The following MAD2L2 variants were observed in gnomAD, a reference collection of about 807,000 sequenced individuals.
The protein encoded by MAD2L2 is mitotic arrest deficient 2 like 2.
MAD2L2 carries 17 observed loss-of-function variants against 30.5 expected under a neutral mutation model. That is an observed-to-expected ratio of 0.56 (90% CI 0.38 to 0.84). The LOEUF (loss-of-function observed/expected upper bound fraction) is 0.84. Ranked by LOEUF, MAD2L2 falls within the 40% of genes least tolerant of loss-of-function variation. MAD2L2 has a pLI of 0.00. For synonymous variants in MAD2L2, 101 were observed against 113.9 expected, an observed-to-expected ratio of 0.89 and a Z score of 0.72; for missense variants, 213 against 277.4, an observed-to-expected ratio of 0.77 and a Z score of 1.65.
rs1023383641 is a variant in MAD2L2, at chr1:11,687,195, A to C, written c.-692+4218T>G. Among the ~76,000 whole-genome samples the C allele has an allele frequency of 5.3e-5, 8 of 152,112 alleles. No individual in the cohort carries two copies. The highest frequency in any genetic ancestry group is 1.9e-4 in the African/African-American group (8 of 41,412). ...ATCCTCCCACCTCAGCCTCCCCAATAGCTGGGGCTACAGGTGTGCACCATC... is the reference window on the plus strand; with the variant it reads ...ATCCTCCCACCTCAGCCTCCCCAATCGCTGGGGCTACAGGTGTGCACCATC... On this transcript the variant is annotated intron_variant, in intron 1 of 10. Coordinates refer to the MAD2L2 transcript ENST00000235310. This position sits in a 1 kb window ranked among gnomAD's most constrained non-coding sequence, Gnocchi z 4.1.
At chr1:11,675,577 C>T in intron 7 of MAD2L2, 81 bp downstream of exon 7, 1 of 1,389,578 alleles carries the variant, frequency 7.2e-7, no homozygotes, top group Non-Finnish European at 1.0e-6. Flanking sequence ...TGGCTGGCCA[C>T]AGGCAGTGCC....
chr1:11,690,437 C>T lies in MAD2L2; in HGVS notation c.-692+976G>A, dbSNP rs1641039430. On this transcript the variant is annotated intron_variant, in intron 1 of 10. Coordinates refer to the MAD2L2 transcript ENST00000235310. This position sits in a 1 kb window ranked among gnomAD's most constrained non-coding sequence, Gnocchi z 4.2. Reference sequence around the variant, plus strand: ...AGACCTTAGAAACGTTATCTCCTTACACAGGGCACTGCATTCACGCCTAGA... The same window carrying T: ...AGACCTTAGAAACGTTATCTCCTTATACAGGGCACTGCATTCACGCCTAGA... Among the ~76,000 whole-genome samples, 1 of 152,196 alleles carries T rather than the reference C, an allele frequency of 6.6e-6. No homozygotes were observed. Among genetic ancestry groups the T allele is most frequent in the African/African-American group, 2.4e-5 (1 of 41,436 alleles).
chr1:11,674,894 GGGCAGACCTCCACCACAGGT>G lies in MAD2L2; in HGVS notation c.595-98_595-79del. 6.5e-7 allele frequency: 1 copy of G among 1,536,188 alleles called. No homozygotes were observed. Among genetic ancestry groups the G allele is most frequent in the South Asian group, 1.1e-5 (1 of 89,280 alleles). On this transcript the variant is annotated intron_variant, in intron 8 of 8. Coordinates refer to ENST00000376692, the MANE Select transcript of MAD2L2 (RefSeq NM_006341.4). The surrounding 1 kb of genome is among the most constrained non-coding windows in gnomAD (Gnocchi z 6.1). ...GCTGGAGGACACAGAAGCCCCTGGT[GGGCAGACCTCCACCACAGGT>G]GGGGCCTCGTGGCCATAGCCATGGT... is the stretch of plus-strand genomic sequence containing the variant.
chr1:11,685,512 C>T (rs1640942684), upstream of MAD2L2, among the ~76,000 whole-genome samples: 1 of 152,216 alleles, frequency 6.6e-6, no homozygotes, highest in Non-Finnish European at 1.5e-5. Context: ...TGCTGCTTCT[C>T]TCCCCAACAC....
intron 5 of MAD2L2, among the ~76,000 whole-genome samples, chr1:11,676,542 G>A (rs759960865): frequency 5.9e-5 from 9 of 152,202 alleles, no homozygotes; most frequent in Non-Finnish European, 8.8e-5. Flanking sequence ...TTGGAAGCAT[G>A]CAGTTGACCA....
chr1:11,680,896 A>T, intron 1 of MAD2L2, 143 bp downstream of exon 1: 1 of 685,596 alleles, frequency 1.5e-6, no homozygotes, highest in East Asian at 4.5e-5. Flanking sequence ...CCGCGGACGC[A>T]GAGGGAAACA....
In MAD2L2 at chr1:11,690,303, C is replaced by A. The variant is rs894257355; in HGVS notation, c.-692+1110G>T. The stretch of plus-strand genomic sequence containing the variant: ...TATGGGATGGATGACTCAAACCTTT[C>A]AGTGAATAAACAGTTCAGTGTTCTC... On this transcript the variant is annotated intron_variant, in intron 1 of 10. Transcript: ENST00000235310. The surrounding 1 kb of genome is among the most constrained non-coding windows in gnomAD (Gnocchi z 4.2). 6.6e-6 allele frequency among the ~76,000 whole-genome samples: 1 copy of A among 152,136 alleles called. No homozygotes were observed. The highest frequency in any genetic ancestry group is 1.5e-5 in the Non-Finnish European group (1 of 68,020).
upstream of MAD2L2, chr1:11,681,794 C>A (rs1408580259): frequency 6.6e-6 from 1 of 152,188 alleles, no homozygotes; most frequent in Non-Finnish European, 1.5e-5. Flanking sequence ...CGTGGATTAT[C>A]TCAGTCCTGG....
At position 11,680,392 on chromosome 1, in the gene MAD2L2, G is replaced by A. The variant is rs761019113; in HGVS notation, c.120C>T (p.Gly40=). 6.2e-7 allele frequency: 1 copy of A among 1,613,990 alleles called. No homozygotes were observed. The highest frequency in any genetic ancestry group is 1.7e-5 in the Admixed American group (1 of 60,000). The change falls in exon 3 of 9, where the codon GGC becomes GGT. Residue 40 remains glycine (G), a synonymous_variant. Coordinates refer to ENST00000376692, the MANE Select transcript of MAD2L2 (RefSeq NM_006341.4). ...TGTACTTCTTGCGTTTCTGGAAGAT[G>A]CCCACGGGGTAGACCTCGCGCACGT... The part of the protein sequence containing the change: ...ILYVREVYPV[G]IFQKRKKYNV...
In MAD2L2 at chr1:11,680,502, C is replaced by G. The variant is rs2233014; in HGVS notation, c.41-31G>C. The G allele has an allele frequency of 2.5e-3, 4,024 of 1,611,226 alleles. 68 individuals carry two copies. The African/African-American group carries it at 0.04, about 16-fold the overall frequency. On this transcript the variant is annotated intron_variant, in intron 2 of 8. Coordinates refer to ENST00000376692, the MANE Select transcript of MAD2L2 (RefSeq NM_006341.4). Reference sequence around the variant, plus strand: ...GGGGGGCACAAGCCGGTGGCGCGCTCGAGGAAGCCCGCCGGCCCAGACGCC... The same window carrying G: ...GGGGGGCACAAGCCGGTGGCGCGCTGGAGGAAGCCCGCCGGCCCAGACGCC...
Position 11,676,136 on chromosome 1 carries a change from C to G in MAD2L2, c.337G>C (p.Asp113His). ...TQPPLLSISS[D>H]SLLSHVEQLL... The stretch of plus-strand genomic sequence containing the variant: ...TGCTCCACATGAGACAACAGCGAGT[C>G]TGAGCTGGGAGTGAGAGGAGGTCTT... Residue 113 changes from aspartate (D) to histidine (H), a missense_variant, in exon 6 of 9, where the codon GAC (aspartate) becomes CAC (histidine). Coordinates refer to ENST00000376692, the MANE Select transcript of MAD2L2 (RefSeq NM_006341.4). 6.3e-7 allele frequency: 1 copy of G among 1,596,666 alleles called. No homozygotes were observed. The highest frequency in any genetic ancestry group is 8.6e-7 in the Non-Finnish European group (1 of 1,169,322).
intron 1 of MAD2L2, among the ~76,000 whole-genome samples, chr1:11,689,559 G>T (rs1407555457): frequency 6.6e-6 from 1 of 152,002 alleles, no homozygotes; most frequent in Non-Finnish European, 1.5e-5. Context: ...TTGTGCCACT[G>T]CACTCCAGCC....
intron 1 of MAD2L2, among the ~76,000 whole-genome samples, chr1:11,689,292 CAAAAAAAAAAAA>C (rs70983584): frequency 5.9e-5 from 4 of 67,964 alleles, no homozygotes; most frequent in African/African-American, 1.9e-4. Context: ...GACTCTGTCT[CAAAAAAAAAAAA>C]AAAAAAAAAA....
rs1157609918 is a variant in MAD2L2 at position 11,687,947 on chromosome 1, A to C, written c.-692+3466T>G. Among the ~76,000 whole-genome samples, 1 of 152,182 alleles carries C rather than the reference A, an allele frequency of 6.6e-6. No homozygotes were observed. Among genetic ancestry groups the C allele is most frequent in the Non-Finnish European group, 1.5e-5 (1 of 68,042 alleles). On this transcript the variant is annotated intron_variant, in intron 1 of 10. Transcript: ENST00000235310. The surrounding 1 kb of genome is among the most constrained non-coding windows in gnomAD (Gnocchi z 4.1). ...AGGAAACTGAGGCCCTAAAGTCATC[A>C]TAAACTGGATGGGATAGGAGTCCAG...
chr1:11,677,304 T>TA (rs1409634539), intron 4 of MAD2L2: 1 of 597,040 alleles, frequency 1.7e-6, no homozygotes, highest in African/African-American at 1.9e-5. Context: ...AGCCCCTACT[T>TA]AGAGCCAGCT....
intron 7 of MAD2L2, among the ~76,000 whole-genome samples, 179 bp downstream of exon 7, chr1:11,675,479 C>A (rs1028303340): frequency 1.3e-5 from 2 of 152,216 alleles, no homozygotes; most frequent in African/African-American, 2.4e-5. Flanking sequence ...TCCACCTGGG[C>A]TCCTCACTGC....
intron 1 of MAD2L2, among the ~76,000 whole-genome samples, chr1:11,686,210 C>T (rs1164588097): frequency 1.3e-5 from 2 of 152,142 alleles, no homozygotes; most frequent in African/African-American, 4.8e-5. Flanking sequence ...GAACAAGATG[C>T]CTAAAGACAA....
In MAD2L2 at chr1:11,687,087, A is replaced by G. The variant is rs1438731151; in HGVS notation, c.-692+4326T>C. ...TATTTTTTTATTTTATTTTTTGGAG[A>G]CAGGGTCTCACTCTGTCATCTAGGC... On this transcript the variant is annotated intron_variant, in intron 1 of 10. Transcript: ENST00000235310. This position sits in a 1 kb window ranked among gnomAD's most constrained non-coding sequence, Gnocchi z 4.1. Among the ~76,000 whole-genome samples, 6 of 151,764 alleles carry G rather than the reference A, an allele frequency of 4.0e-5. No homozygotes were observed. The highest frequency in any genetic ancestry group is 3.9e-4 in the Admixed American group (6 of 15,198).
chr1:11,686,652 C>T (rs1640960382), intron 1 of MAD2L2, among the ~76,000 whole-genome samples: 1 of 152,116 alleles, frequency 6.6e-6, no homozygotes, highest in African/African-American at 2.4e-5. Context: ...ATGTGCCCGC[C>T]TCCACCTGCC....
Sources: gnomAD v4.1 joint callset for allele counts (sites outside exome capture counted in the v4.1 genomes callset) on GRCh38, gnomAD v4.1.1 for gene constraint, Gnocchi (gnomAD v3.1) non-coding constraint, MANE v1.5 for transcripts, NCBI Gene and HGNC (gene_info 2026-07-23, HGNC 2026-07-21) for gene names.